Variants in RNF146 observed in about 807,000 individuals in gnomAD.
RNF146 encodes ring finger protein 146.
Under a neutral mutation model 29.7 loss-of-function variants are expected in RNF146, and 11 were observed. That is an observed-to-expected ratio of 0.37 (90% CI 0.23 to 0.61). The LOEUF (loss-of-function observed/expected upper bound fraction) is 0.61, where lower values mean the gene tolerates loss of function less well. RNF146 is among the 20% of genes least tolerant of loss of function. The pLI is 0.66. For missense variants in RNF146, 342 were observed against 438.9 expected, an observed-to-expected ratio of 0.78 and a Z score of 1.97; for synonymous variants, 150 against 159.7, an observed-to-expected ratio of 0.94 and a Z score of 0.46.
In RNF146 at chr6:127,286,439, C is replaced by T. The variant is rs1779522868; in HGVS notation, c.3-177C>T. Reference sequence around the variant, plus strand: ...CAAGGTATGTACAAGTAGATGCTTACAAAAAATTTTCATCGGTTGGAGAGT... The same window carrying T: ...CAAGGTATGTACAAGTAGATGCTTATAAAAAATTTTCATCGGTTGGAGAGT... On this transcript the variant is annotated intron_variant, in intron 2 of 2. Coordinates refer to ENST00000368314, the MANE Select transcript of RNF146 (RefSeq NM_001242850.2). This position sits in a 1 kb window ranked among gnomAD's most constrained non-coding sequence, Gnocchi z 4.6. 2.7e-6 allele frequency: 2 copies of T among 741,064 alleles called. No homozygotes were observed. Among genetic ancestry groups the T allele is most frequent in the Non-Finnish European group, 4.2e-6 (2 of 473,918 alleles). The allele number at this position is 741,064 out of a possible 1,614,324, so 45.9% of individuals were successfully genotyped here.
rs750599201 is a variant in RNF146 at position 127,287,327 on chromosome 6, T to C, written c.714T>C (p.Asp238=). Residue 238 remains aspartate, a synonymous_variant, in exon 3 of 3, where the codon GAT becomes GAC. Transcript: ENST00000368314. Reference sequence around the variant, plus strand: ...CAAGCCCTGCAACACCATCCCCTGATGCAAGCACTTCTCTGGAAGACTCTT... The same window carrying C: ...CAAGCCCTGCAACACCATCCCCTGACGCAAGCACTTCTCTGGAAGACTCTT... ...QLTSPATPSP[D]ASTSLEDSFA... 3 of 1,613,508 alleles carry C rather than the reference T, an allele frequency of 1.9e-6. No individual in the cohort carries two copies. The East Asian group carries it at 6.7e-5, about 36-fold the overall frequency.
chr6:127,284,666 G>T (rs1779293420), intron 2 of RNF146, among the ~76,000 whole-genome samples: 1 of 151,852 alleles, frequency 6.6e-6, no homozygotes, highest in Non-Finnish European at 1.5e-5. Flanking sequence ...GCCTTCTTTT[G>T]TAACTTATTG....
At chr6:127,271,155 A>T (rs1716390500) in intron 1 of RNF146, among the ~76,000 whole-genome samples, 1 of 152,008 alleles carries the variant, frequency 6.6e-6, no homozygotes, top group African/African-American at 2.4e-5. Flanking sequence ...TTTTTAGTTT[A>T]TTGCAAGAAA....
intron 1 of RNF146, among the ~76,000 whole-genome samples, chr6:127,277,772 T>C (rs985314828): frequency 1.3e-5 from 2 of 152,006 alleles, no homozygotes; most frequent in East Asian, 3.9e-4. Context: ...GCCCACTGAC[T>C]CAAATGTTAA....
Position 127,286,979 on chromosome 6 carries a change from T to G in RNF146, c.366T>G (p.Ser122Arg). ...GGTGGCAGTACGATGAGCGCACTAGTAGAGAGCTGGAAGATGCTTTTTCCA... is the reference window on the plus strand; with the variant it reads ...GGTGGCAGTACGATGAGCGCACTAGGAGAGAGCTGGAAGATGCTTTTTCCA... ...NGWWQYDERTSRELEDAFSKG... is the reference protein window; with the variant it reads ...NGWWQYDERTRRELEDAFSKG... Residue 122 changes from serine (S) to arginine (R), a missense_variant, in exon 3 of 3, where the codon AGT becomes AGG. Coordinates refer to ENST00000368314, the MANE Select transcript of RNF146 (RefSeq NM_001242850.2). The surrounding 1 kb of genome is among the most constrained non-coding windows in gnomAD (Gnocchi z 4.6). 2 of 1,613,412 alleles carry G rather than the reference T, an allele frequency of 1.2e-6. No individual in the cohort carries two copies. The highest frequency in any genetic ancestry group is 1.7e-6 in the Non-Finnish European group (2 of 1,179,632).
At chr6:127,271,720 A>G (rs1777526340) in intron 1 of RNF146, among the ~76,000 whole-genome samples, 1 of 152,250 alleles carries the variant, frequency 6.6e-6, no homozygotes, top group African/African-American at 2.4e-5. Context: ...AAAATATTAC[A>G]TTAACAATTT....
chr6:127,276,671 A>G (rs1476960010), intron 1 of RNF146, among the ~76,000 whole-genome samples: 1 of 152,036 alleles, frequency 6.6e-6, no homozygotes, highest in Non-Finnish European at 1.5e-5. Context: ...AGGTGTGGGA[A>G]TGAGTAGGCT....
rs1218144290 is a variant in RNF146 at position 127,287,260 on chromosome 6, T to C, written c.647T>C (p.Val216Ala). ...AQSGASVQPL[V>A]SSVRPLTSVD... Reference sequence around the variant, plus strand: ...AGTGGAGCTTCTGTTCAGCCCCTAGTGTCTTCTGTAAGGCCCCTAACATCA... The same window carrying C: ...AGTGGAGCTTCTGTTCAGCCCCTAGCGTCTTCTGTAAGGCCCCTAACATCA... The change falls in exon 3 of 3, where the codon GTG becomes GCG. Residue 216 changes from valine (V) to alanine (A), a missense_variant. Physicochemically the swap from Val to Ala is moderately conservative, Grantham distance 64. Around this residue, in one of 6 missense-constraint regions of RNF146, gnomAD observed 196 missense variants for 208.9 expected, o/e 0.94. Coordinates refer to ENST00000368314, the MANE Select transcript of RNF146 (RefSeq NM_001242850.2). The C allele has an allele frequency of 3.1e-6, 5 of 1,613,402 alleles. No homozygotes were observed. The highest frequency in any genetic ancestry group is 4.2e-6 in the Non-Finnish European group (5 of 1,179,630).
chr6:127,287,755 A>G lies in RNF146; in HGVS notation c.*62A>G, dbSNP rs903448535. 1.8e-5 allele frequency: 19 copies of G among 1,055,990 alleles called. No individual in the cohort carries two copies. The Admixed American group carries it at 4.1e-4, about 23-fold the overall frequency. 65.4% of individuals were successfully genotyped at this position (1,055,990 alleles called of 1,614,324 possible). ...GGGTTACCTGTAAATTTCTGCCCAC[A>G]TAACATTATACTCATCCCTAGTAGT... On this transcript the variant is annotated 3_prime_UTR_variant, in exon 3 of 3. Coordinates refer to ENST00000368314, the MANE Select transcript of RNF146 (RefSeq NM_001242850.2).
At chr6:127,281,714 ATAT>A (rs1778938179) in intron 2 of RNF146, among the ~76,000 whole-genome samples, 1 of 151,672 alleles carries the variant, frequency 6.6e-6, no homozygotes, top group Non-Finnish European at 1.5e-5. Context: ...AGTACTTACT[ATAT>A]TACCAGATTT....
At chr6:127,267,597 C>CT (rs1776840881) in intron 1 of RNF146, among the ~76,000 whole-genome samples, 3 of 152,054 alleles carry the variant, frequency 2.0e-5, no homozygotes, top group African/African-American at 4.8e-5. Context: ...GCTCTTCCTC[C>CT]TTTTTTTTCT....
At chr6:127,276,225 A>G (rs1276367486) in intron 1 of RNF146, among the ~76,000 whole-genome samples, 1 of 152,044 alleles carries the variant, frequency 6.6e-6, no homozygotes, top group Non-Finnish European at 1.5e-5. Context: ...TGAGGGTGAT[A>G]CTGACACAAG....
chr6:127,276,813 G>T (rs373477205), intron 1 of RNF146, among the ~76,000 whole-genome samples: 3 of 152,138 alleles, frequency 2.0e-5, no homozygotes, highest in East Asian at 1.9e-4. Context: ...TCAAATTTAG[G>T]ATTTAAGGAA....
intron 1 of RNF146, among the ~76,000 whole-genome samples, chr6:127,278,016 GTAGGGAGATAGATGCCCATAGTATGA>G (rs1778461079): frequency 6.6e-6 from 1 of 152,052 alleles, no homozygotes; most frequent in Non-Finnish European, 1.5e-5. Context: ...TTAAGATACC[GTAGGGAGATAGATGCCCATAGTATGA>G]GAGCCACATG....
chr6:127,280,318 T>C lies in RNF146; in HGVS notation c.-21T>C. 6.5e-7 allele frequency: 1 copy of C among 1,547,188 alleles called. No individual in the cohort carries two copies. Among genetic ancestry groups the C allele is most frequent in the Non-Finnish European group, 8.7e-7 (1 of 1,144,634 alleles). On this transcript the variant is annotated 5_prime_UTR_variant, in exon 2 of 3. Transcript: ENST00000368314. ...AAATGCTTTATTTTTGTGGCAGGCA[T>C]CTGTGGGATCTGTAATAGAAATGTA... is the stretch of plus-strand genomic sequence containing the variant.
At chr6:127,275,778 C>T (rs1021434039) in intron 1 of RNF146, among the ~76,000 whole-genome samples, 25 of 151,882 alleles carry the variant, frequency 1.6e-4, no homozygotes, top group African/African-American at 5.6e-4. Context: ...GGGAATAGAT[C>T]GTACCAGGCA....
At chr6:127,267,661 G>A (rs543254548) in intron 1 of RNF146, among the ~76,000 whole-genome samples, 2 of 152,082 alleles carry the variant, frequency 1.3e-5, no homozygotes, top group Non-Finnish European at 2.9e-5. Context: ...CCTGCACCTT[G>A]TCCTAGTGAA....
chr6:127,287,200 G>C lies in RNF146; in HGVS notation c.587G>C (p.Ser196Thr). The C allele has an allele frequency of 6.2e-7, 1 of 1,613,382 alleles. No individual in the cohort carries two copies. Among genetic ancestry groups the C allele is most frequent in the Non-Finnish European group, 8.5e-7 (1 of 1,179,594 alleles). The change falls in exon 3 of 3, where the codon AGC becomes ACC. Residue 196 changes from serine (S) to threonine (T), a missense_variant. By Grantham distance (58) the Ser-to-Thr change is moderately conservative (BLOSUM62 1). Coordinates refer to ENST00000368314, the MANE Select transcript of RNF146 (RefSeq NM_001242850.2). ...DANTVNLARE[S>T]SADGADSVSA... is the part of the protein sequence containing the mutation. ...AATACCGTAAACCTAGCAAGAGAGAGCTCTGCTGACGGAGCGGACAGTGTA... is the reference window on the plus strand; with the variant it reads ...AATACCGTAAACCTAGCAAGAGAGACCTCTGCTGACGGAGCGGACAGTGTA...
chr6:127,277,536 G>A (rs933876599), intron 1 of RNF146, among the ~76,000 whole-genome samples: 5 of 151,980 alleles, frequency 3.3e-5, no homozygotes, highest in African/African-American at 1.2e-4. Context: ...CGATCACAAA[G>A]TCCCACAACA....
Sources: gnomAD v4.1 joint callset for allele counts (sites outside exome capture counted in the v4.1 genomes callset) on GRCh38, gnomAD v4.1.1 for gene constraint, gnomAD v4.1.1 regional missense constraint, Gnocchi (gnomAD v3.1) non-coding constraint, MANE v1.5 for transcripts, NCBI Gene and HGNC (gene_info 2026-07-23, HGNC 2026-07-21) for gene names.